SAMD12: variants seen among roughly 807,000 people sequenced by gnomAD.
SAMD12 encodes the protein sterile alpha motif domain-containing protein 12.
SAMD12 carries 9 observed loss-of-function variants against 15.0 expected under a neutral mutation model. The observed-to-expected ratio is 0.60, with a 90% CI of 0.36 to 1.05. The LOEUF is 1.05. SAMD12 is among the 50% of genes least tolerant of loss of function. The pLI is 0.01. For missense variants in SAMD12, 230 were observed against 234.2 expected (o/e 0.98, Z 0.12); for synonymous variants, 86 against 90.1 (o/e 0.96, Z 0.25).
chr8:118,141,010 A>C, the SAMD12 span, among the ~76,000 whole-genome samples: 1 of 152,252 alleles, frequency 6.6e-6, no homozygotes, highest in Non-Finnish European at 1.5e-5. Flanking sequence ...ATTGCAGCAT[A>C]GCTTAGACTA....
At chr8:118,468,198 C>T (rs189481667) in intron 2 of SAMD12, among the ~76,000 whole-genome samples, 33 of 152,266 alleles carry the variant, frequency 2.2e-4, no homozygotes, top group Non-Finnish European at 3.8e-4. Context: ...ATATGAACAA[C>T]ATAAATGGTG....
intron 4 of SAMD12, among the ~76,000 whole-genome samples, chr8:118,233,286 CTTTAA>C (rs1408673764): frequency 2.0e-5 from 3 of 152,178 alleles, no homozygotes; most frequent in Non-Finnish European, 4.4e-5. Context: ...TTGGCTGAGA[CTTTAA>C]TTTGTGGCTT....
At chr8:118,194,519 A>G (rs762196085) in exon 5 of SAMD12, 1 of 152,154 alleles carries the variant, frequency 6.6e-6, no homozygotes, top group Non-Finnish European at 1.5e-5. Flanking sequence ...GGAAAGTCTC[A>G]TAATTATTCA....
At chr8:118,334,371 A>C (rs1473375491) in intron 4 of SAMD12, among the ~76,000 whole-genome samples, 2 of 152,168 alleles carry the variant, frequency 1.3e-5, no homozygotes, top group Non-Finnish European at 2.9e-5. Context: ...TTTGATATTC[A>C]GGAATGATTA....
chr8:118,229,941 C>G (rs927093685), intron 4 of SAMD12, among the ~76,000 whole-genome samples: 4 of 152,046 alleles, frequency 2.6e-5, no homozygotes, highest in Non-Finnish European at 5.9e-5. Context: ...AATACAACAC[C>G]TCCTCCTGGG....
At chr8:118,430,990 CTGAG>C (rs1483282581) in intron 3 of SAMD12, among the ~76,000 whole-genome samples, 2 of 152,076 alleles carry the variant, frequency 1.3e-5, no homozygotes, top group Non-Finnish European at 2.9e-5. Context: ...CTGATTTTAA[CTGAG>C]TATTTGAGGC....
chr8:118,359,051 CTTCT>C (rs1385658922), intron 4 of SAMD12, among the ~76,000 whole-genome samples: 1 of 150,048 alleles, frequency 6.7e-6, no homozygotes, highest in Non-Finnish European at 1.5e-5. Context: ...GTGTATTCTC[CTTCT>C]TTAACAACTA....
At chr8:118,332,759 C>A (rs943701985) in intron 4 of SAMD12, among the ~76,000 whole-genome samples, 5 of 152,182 alleles carry the variant, frequency 3.3e-5, no homozygotes, top group African/African-American at 1.2e-4. Context: ...TCGGTCTTAG[C>A]CCTCATACTT....
chr8:118,621,129 C>T (rs1828391678), intron 1 of SAMD12: 3 of 152,358 alleles, frequency 2.0e-5, no homozygotes, highest in South Asian at 2.1e-4. Flanking sequence ...AAAGCCGAAG[C>T]TCAAGACTGT....
chr8:118,389,902 A>T (rs1323617231), intron 3 of SAMD12, among the ~76,000 whole-genome samples: 3 of 152,222 alleles, frequency 2.0e-5, no homozygotes, highest in East Asian at 3.9e-4. Context: ...AAATTGGCTA[A>T]TTTTTTCCAT....
chr8:118,493,164 A>C (rs1022992974), intron 2 of SAMD12, among the ~76,000 whole-genome samples: 1 of 152,198 alleles, frequency 6.6e-6, no homozygotes, highest in Non-Finnish European at 1.5e-5. Context: ...TTTAAGCCAA[A>C]AATAAAGAAC....
At chr8:118,205,659 G>A (rs1819841201) in intron 4 of SAMD12, among the ~76,000 whole-genome samples, 2 of 152,222 alleles carry the variant, frequency 1.3e-5, no homozygotes, top group Admixed American at 6.5e-5. Context: ...GGGATAGGAA[G>A]GCCTTGGCCT....
chr8:118,388,905 AAG>A (rs1016371021), intron 3 of SAMD12, among the ~76,000 whole-genome samples: 1 of 152,302 alleles, frequency 6.6e-6, no homozygotes, highest in Non-Finnish European at 1.5e-5. Context: ...CAGAGAAAAA[AAG>A]AGAGAGAAAG....
intron 4 of SAMD12, among the ~76,000 whole-genome samples, chr8:118,283,066 G>T (rs1241779740): frequency 6.6e-6 from 1 of 152,046 alleles, no homozygotes; most frequent in East Asian, 1.9e-4. Context: ...AATTTCACAT[G>T]ATCTCAATAG....
At chr8:118,571,539 T>C (rs889605969) in intron 2 of SAMD12, among the ~76,000 whole-genome samples, 1 of 152,166 alleles carries the variant, frequency 6.6e-6, no homozygotes, top group African/African-American at 2.4e-5. Flanking sequence ...GAGTAGGCTG[T>C]ATAAAAAGTG....
At chr8:118,163,731 C>T in the SAMD12 span, among the ~76,000 whole-genome samples, 46 of 152,236 alleles carry the variant, frequency 3.0e-4, no homozygotes, top group Admixed American at 9.8e-4. Flanking sequence ...AAAAATTAGC[C>T]AGGCGCGGTG....
At chr8:118,150,415 T>A in the SAMD12 span, among the ~76,000 whole-genome samples, 2 of 152,206 alleles carry the variant, frequency 1.3e-5, no homozygotes, top group Admixed American at 6.5e-5. Context: ...GGGTCTTGAT[T>A]TGTCCCCCAG....
At chr8:118,556,139 A>G (rs1826523463) in intron 2 of SAMD12, among the ~76,000 whole-genome samples, 1 of 152,244 alleles carries the variant, frequency 6.6e-6, no homozygotes, top group African/African-American at 2.4e-5. Flanking sequence ...CTTATGCCTC[A>G]CCTGCATTCT....
At chr8:118,421,347 A>T (rs1432389503) in intron 3 of SAMD12, among the ~76,000 whole-genome samples, 1 of 152,210 alleles carries the variant, frequency 6.6e-6, no homozygotes, top group East Asian at 1.9e-4. Flanking sequence ...CATTTTTGCT[A>T]GTCAAAATTG....
Sources: gnomAD v4.1 joint callset for allele counts (sites outside exome capture counted in the v4.1 genomes callset) on GRCh38, gnomAD v4.1.1 for gene constraint, MANE v1.5 for transcripts, NCBI Gene and HGNC (gene_info 2026-07-23, HGNC 2026-07-21) for gene names.